Variants in ZFHX3 observed in about 807,000 individuals in gnomAD.
The protein encoded by ZFHX3 is zinc finger homeobox 3.
A neutral mutation model predicts 279.1 loss-of-function variants in ZFHX3; 42 were observed. The ratio of observed to expected loss-of-function variants is 0.15; its 90% CI spans 0.12 to 0.19. The LOEUF is 0.19. ZFHX3 is among the 10% of genes least tolerant of loss of function. The pLI is 1.00. For synonymous variants in ZFHX3, 2,293 were observed against 1,957.8 expected (o/e 1.17, Z -4.52); for missense variants, 4,981 against 4,754.0 (o/e 1.05, Z -1.40).
At chr16:72,853,222 G>A (rs2037663854) in intron 4 of ZFHX3, among the ~76,000 whole-genome samples, 1 of 152,204 alleles carries the variant, frequency 6.6e-6, no homozygotes, top group African/African-American at 2.4e-5. Flanking sequence ...ACTCTAAAAA[G>A]ACTGTCTGAT....
intron 3 of ZFHX3, among the ~76,000 whole-genome samples, chr16:72,934,501 G>A (rs1242568019): frequency 6.6e-6 from 1 of 152,154 alleles, no homozygotes; most frequent in Non-Finnish European, 1.5e-5. Context: ...TAGTACCATA[G>A]CCACAGGTTC....
At chr16:73,587,249 A>C (rs899077747) in intron 2 of ZFHX3, among the ~76,000 whole-genome samples, 1 of 152,246 alleles carries the variant, frequency 6.6e-6, no homozygotes, top group African/African-American at 2.4e-5. Context: ...GCAATAGGGA[A>C]GGTGAAAAAT....
Position 73,046,083 on chromosome 16 carries a change from G to A in ZFHX3, c.-50+1669C>T, listed in dbSNP as rs545193576. Among the ~76,000 whole-genome samples the A allele has an allele frequency of 1.3e-4, 20 of 152,294 alleles. No homozygotes were observed. The South Asian group carries it at 3.3e-3, about 25-fold the overall frequency. ...AGTCCTGTAATTTAGCAAAGGGAGA[G>A]AGAAAAAGTTTCTTTTGGCCATCAT... On this transcript the variant is annotated intron_variant, in intron 1 of 9. Coordinates refer to ENST00000268489, the MANE Select transcript of ZFHX3 (RefSeq NM_006885.4).
intron 4 of ZFHX3, among the ~76,000 whole-genome samples, chr16:72,845,694 C>T (rs148688184): frequency 1.7e-3 from 254 of 152,304 alleles, no homozygotes; most frequent in African/African-American, 5.8e-3. Context: ...ACGACTTTCC[C>T]TTTCTCCTGC....
At chr16:73,117,631 T>C (rs914761439) in intron 7 of ZFHX3, among the ~76,000 whole-genome samples, 1 of 152,368 alleles carries the variant, frequency 6.6e-6, no homozygotes, top group East Asian at 1.9e-4. Context: ...TTTAAATTGT[T>C]AGGTGTACTT....
At chr16:73,132,505 G>A (rs975963074) in intron 6 of ZFHX3, among the ~76,000 whole-genome samples, 1 of 152,170 alleles carries the variant, frequency 6.6e-6, no homozygotes, top group Non-Finnish European at 1.5e-5. Flanking sequence ...CTTCTCTGTA[G>A]TTCCACTCCT....
chr16:72,993,357 T>C (rs1227400601), intron 1 of ZFHX3, among the ~76,000 whole-genome samples: 1 of 152,202 alleles, frequency 6.6e-6, no homozygotes, highest in African/African-American at 2.4e-5. Flanking sequence ...CTGCTATGAT[T>C]TGGTGATTCC....
intron 8 of ZFHX3, among the ~76,000 whole-genome samples, chr16:73,080,581 G>T (rs7359374): frequency 3.1e-4 from 47 of 151,262 alleles, no homozygotes; most frequent in Admixed American, 6.6e-4. Flanking sequence ...CTTTTTCTTT[G>T]TTTTTTTTTT....
chr16:73,853,524 T>A (rs1459223319), intron 1 of ZFHX3, among the ~76,000 whole-genome samples: 1 of 152,188 alleles, frequency 6.6e-6, no homozygotes, highest in Non-Finnish European at 1.5e-5. Flanking sequence ...TGATGTCCTT[T>A]GCAGCAACAT....
intron 1 of ZFHX3, among the ~76,000 whole-genome samples, chr16:73,046,667 CTATT>C (rs1242438416): frequency 6.6e-6 from 1 of 152,106 alleles, no homozygotes; most frequent in East Asian, 1.9e-4. Flanking sequence ...AAATTATACA[CTATT>C]TATTTAGTGA....
chr16:73,626,557 C>T (rs986942899), intron 2 of ZFHX3, among the ~76,000 whole-genome samples: 26 of 152,192 alleles, frequency 1.7e-4, no homozygotes, highest in African/African-American at 6.3e-4. Context: ...GTAAAAAGAA[C>T]TCAGTGATGT....
chr16:73,618,831 T>G (rs1279697493), intron 2 of ZFHX3, among the ~76,000 whole-genome samples: 2 of 152,292 alleles, frequency 1.3e-5, no homozygotes, highest in South Asian at 4.1e-4. Flanking sequence ...CATTCATTCA[T>G]GTTTTGTTGC....
chr16:73,413,898 T>C (rs2017518737), intron 3 of ZFHX3, among the ~76,000 whole-genome samples: 2 of 152,250 alleles, frequency 1.3e-5, no homozygotes, highest in South Asian at 2.1e-4. Flanking sequence ...ATTGTGATCA[T>C]TGGATTATTA....
intron 4 of ZFHX3, among the ~76,000 whole-genome samples, chr16:72,882,291 T>G (rs2038498009): frequency 1.3e-5 from 2 of 150,944 alleles, no homozygotes; most frequent in Admixed American, 1.3e-4. Context: ...CTCATGAAGA[T>G]AGCATGGAAG....
intron 3 of ZFHX3, among the ~76,000 whole-genome samples, chr16:72,918,442 A>C (rs143967418): frequency 6.6e-6 from 1 of 152,342 alleles, no homozygotes; most frequent in East Asian, 1.9e-4. Flanking sequence ...CAAAAAATCA[A>C]ATATTGCAAA....
At chr16:73,841,818 T>G (rs188968787) in intron 1 of ZFHX3, among the ~76,000 whole-genome samples, 1 of 151,932 alleles carries the variant, frequency 6.6e-6, no homozygotes, top group Non-Finnish European at 1.5e-5. Flanking sequence ...CAGGGAAGAG[T>G]AGACTTGACA....
intron 5 of ZFHX3, among the ~76,000 whole-genome samples, chr16:73,190,917 TTTTTTTTTGTAAATTGCCGGAA>T (rs1011264805): frequency 1.6e-4 from 25 of 152,012 alleles, no homozygotes; most frequent in African/African-American, 5.6e-4. Flanking sequence ...ACTGGATTTT[TTTTTTTTTGTAAATTGCCGGAA>T]TTTGAAATAA....
chr16:73,379,444 C>G (rs1382494543), intron 3 of ZFHX3, among the ~76,000 whole-genome samples: 2 of 152,144 alleles, frequency 1.3e-5, no homozygotes, highest in African/African-American at 4.8e-5. Flanking sequence ...GAATAAAAGC[C>G]AAGTTCCACC....
At chr16:73,489,642 G>A (rs8063831) in intron 2 of ZFHX3, among the ~76,000 whole-genome samples, 39,767 of 151,824 alleles carry the variant, frequency 0.26, 6,089 homozygotes, top group African/African-American at 0.43. Context: ...TCTTAAATTC[G>A]GTTCTAAGAA....
Sources: allele counts gnomAD v4.1 joint callset (sites outside exome capture counted in the v4.1 genomes callset), GRCh38; gene constraint gnomAD v4.1.1; transcripts MANE v1.5; gene names NCBI Gene and HGNC (gene_info 2026-07-23, HGNC 2026-07-21).